The following GTF2I variants were observed in gnomAD, a reference collection of about 807,000 sequenced individuals.
The protein encoded by GTF2I is general transcription factor II-I.
A neutral mutation model predicts 67.6 loss-of-function variants in GTF2I; 12 were observed. That is an observed-to-expected ratio of 0.18 (90% CI 0.11 to 0.29). The LOEUF is 0.29. GTF2I is among the 10% of genes least tolerant of loss of function. GTF2I has a pLI of 1.00. For synonymous variants in GTF2I, 149 were observed against 197.0 expected, an observed-to-expected ratio of 0.76 and a Z score of 2.04; for missense variants, 271 against 580.1, an observed-to-expected ratio of 0.47 and a Z score of 5.47.
chr7:74,723,321 G>A (rs975776369), intron 12 of GTF2I, among the ~76,000 whole-genome samples: 4 of 150,466 alleles, frequency 2.7e-5, no homozygotes. Context: ...TAGAGACGGG[G>A]TTTCACCATT....
intron 10 of GTF2I, among the ~76,000 whole-genome samples, chr7:74,715,813 A>G (rs1180767405): frequency 3.3e-5 from 5 of 152,120 alleles, no homozygotes; most frequent in African/African-American, 1.2e-4. Context: ...GATAATTGTG[A>G]CATGCTAAAG....
rs371152943 is a variant in GTF2I, at chr7:74,669,801, G to C, written c.-6+11733G>C. Among the ~76,000 whole-genome samples, 83 of 152,228 alleles carry C rather than the reference G, an allele frequency of 5.5e-4. 1 individual carries two copies. In the South Asian group the frequency reaches 0.016, roughly 30 times the overall value. On this transcript the variant is annotated intron_variant, in intron 1 of 34. Coordinates refer to ENST00000573035, the MANE Select transcript of GTF2I (RefSeq NM_032999.4). ...TCACTTCGACCTCCCAAAGTGCGGG[G>C]ATTACAGGTGTGAGCCACCGTGTCC...
intron 1 of GTF2I, among the ~76,000 whole-genome samples, chr7:74,678,010 T>C (rs1330796411): frequency 6.6e-6 from 1 of 151,896 alleles, no homozygotes; most frequent in Non-Finnish European, 1.5e-5. Context: ...AAACTTAGGT[T>C]TGGACGGAAA....
chr7:74,697,919 C>T (rs992251833), intron 3 of GTF2I, among the ~76,000 whole-genome samples: 32 of 146,066 alleles, frequency 2.2e-4, no homozygotes, highest in Admixed American at 2.8e-4. Flanking sequence ...CAGGTGTGTG[C>T]CACCATGCCC....
intron 3 of GTF2I, 96 bp downstream of exon 3, chr7:74,691,207 T>TA: frequency 3.4e-5 from 31 of 923,914 alleles, no homozygotes; most frequent in Non-Finnish European, 4.8e-5. Flanking sequence ...TTTCTTTCTT[T>TA]CTTTTTTTTT....
At chr7:74,682,991 A>T (rs1787393568) in intron 1 of GTF2I, among the ~76,000 whole-genome samples, 1 of 146,824 alleles carries the variant, frequency 6.8e-6, no homozygotes, top group African/African-American at 2.5e-5. Flanking sequence ...TTTAGTATGG[A>T]GAAGAAAACG....
At chr7:74,684,344 A>G (rs1189801999) in intron 1 of GTF2I, among the ~76,000 whole-genome samples, 1 of 152,218 alleles carries the variant, frequency 6.6e-6, no homozygotes, top group African/African-American at 2.4e-5. Context: ...CCCCAGGGGC[A>G]CGCAGCGAGA....
At chr7:74,750,014 T>A (rs1273916414) in intron 26 of GTF2I, among the ~76,000 whole-genome samples, 3 of 133,724 alleles carry the variant, frequency 2.2e-5, no homozygotes, top group African/African-American at 5.2e-5. Context: ...AGCTATGTTG[T>A]TACTATTTGA....
chr7:74,668,537 C>A (rs1805186477), intron 1 of GTF2I, among the ~76,000 whole-genome samples: 1 of 151,622 alleles, frequency 6.6e-6, no homozygotes, highest in African/African-American at 2.4e-5. Context: ...GATCTCATTT[C>A]CATACACAGT....
intron 1 of GTF2I, among the ~76,000 whole-genome samples, chr7:74,664,127 A>G (rs1303856356): frequency 6.6e-6 from 1 of 152,128 alleles, no homozygotes; most frequent in Non-Finnish European, 1.5e-5. Context: ...GGATGTGTGT[A>G]TCCTGTAAAA....
At chr7:74,713,776 A>G (rs1471334088) in intron 9 of GTF2I, among the ~76,000 whole-genome samples, 7 of 152,148 alleles carry the variant, frequency 4.6e-5, no homozygotes, top group Admixed American at 1.3e-4. Context: ...GCATTTTTAA[A>G]TCCTGTAAAT....
intron 1 of GTF2I, among the ~76,000 whole-genome samples, chr7:74,679,507 G>A (rs931800762): frequency 2.0e-5 from 3 of 152,110 alleles, no homozygotes; most frequent in Admixed American, 6.6e-5. Context: ...CAGTCAGTTC[G>A]TTTATGATGA....
chr7:74,664,846 TTGAAGTC>T (rs1804830248), intron 1 of GTF2I, among the ~76,000 whole-genome samples: 1 of 152,234 alleles, frequency 6.6e-6, no homozygotes, highest in Non-Finnish European at 1.5e-5. Flanking sequence ...CGACACAAGT[TTGAAGTC>T]TGACTGCCTG....
At position 74,718,942 on chromosome 7, in the gene GTF2I, G is replaced by A; in HGVS notation, c.943+1G>A. The A allele has an allele frequency of 6.6e-7, 1 of 1,512,766 alleles. No homozygotes were observed. Among genetic ancestry groups the A allele is most frequent in the Non-Finnish European group, 9.1e-7 (1 of 1,103,198 alleles). The allele number at this position is 1,512,766 out of a possible 1,614,324, so 93.7% of individuals were successfully genotyped here. ...CCTGAAGTTGAGGTGACTATTGAAG[G>A]TTAGTTATCTAAAAGCCTTGATTCC... is the stretch of plus-strand genomic sequence containing the variant. On this transcript the variant is annotated splice_donor_variant, in intron 12 of 34. Transcript: ENST00000573035. LOFTEE classifies it high-confidence loss of function.
At chr7:74,692,162 C>G (rs1467376275) in intron 3 of GTF2I, among the ~76,000 whole-genome samples, 1 of 151,546 alleles carries the variant, frequency 6.6e-6, no homozygotes, top group Non-Finnish European at 1.5e-5. Context: ...CAACTTCCAC[C>G]TCCTGTATTC....
At chr7:74,720,308 A>G (rs1792788370) in intron 12 of GTF2I, among the ~76,000 whole-genome samples, 1 of 151,828 alleles carries the variant, frequency 6.6e-6, no homozygotes, top group African/African-American at 2.4e-5. Context: ...TTTCTCTCTT[A>G]ATAACCTGTC....
chr7:74,662,013 T>C (rs587748951), intron 1 of GTF2I, among the ~76,000 whole-genome samples: 2 of 152,124 alleles, frequency 1.3e-5, no homozygotes, highest in East Asian at 3.9e-4. Context: ...GCTTGTAGTT[T>C]TGGCCCTTGG....
intron 1 of GTF2I, among the ~76,000 whole-genome samples, chr7:74,687,865 C>T (rs1787877108): frequency 6.6e-6 from 1 of 152,104 alleles, no homozygotes; most frequent in African/African-American, 2.4e-5. Flanking sequence ...TTTCAGTTAT[C>T]TTTCCATATT....
intron 1 of GTF2I, among the ~76,000 whole-genome samples, chr7:74,677,664 C>T (rs1419917835): frequency 6.6e-6 from 1 of 150,792 alleles, no homozygotes; most frequent in African/African-American, 2.4e-5. Context: ...CACCTGTAAT[C>T]CTAGCTACTC....
Sources: allele counts gnomAD v4.1 joint callset (sites outside exome capture counted in the v4.1 genomes callset), GRCh38; gene constraint gnomAD v4.1.1; transcripts MANE v1.5; gene names NCBI Gene and HGNC (gene_info 2026-07-23, HGNC 2026-07-21).